Variants in MEGF9 observed in about 807,000 individuals in gnomAD.
MEGF9 encodes the protein multiple EGF like domains 9, also known as multiple epidermal growth factor-like domains protein 9.
Under a neutral mutation model 46.8 loss-of-function variants are expected in MEGF9, and 6 were observed. The observed-to-expected ratio is 0.13, with a 90% CI of 0.07 to 0.25. The LOEUF (loss-of-function observed/expected upper bound fraction) is 0.25, where lower values mean the gene tolerates loss of function less well. MEGF9 is among the 10% of genes least tolerant of loss of function. The pLI is 1.00. For synonymous variants in MEGF9, 302 were observed against 330.7 expected (o/e 0.91, Z 0.94); for missense variants, 683 against 792.4 (o/e 0.86, Z 1.66).
intron 2 of MEGF9, among the ~76,000 whole-genome samples, chr9:120,634,287 T>C (rs773565882): frequency 6.6e-6 from 1 of 152,050 alleles, no homozygotes; most frequent in Non-Finnish European, 1.5e-5. Context: ...TGGGTGCATA[T>C]ATATTTACAA....
At chr9:120,655,277 C>A (rs771798348) in intron 2 of MEGF9, among the ~76,000 whole-genome samples, 4 of 152,134 alleles carry the variant, frequency 2.6e-5, no homozygotes, top group Non-Finnish European at 4.4e-5. Context: ...ATCTTTTATA[C>A]GTTTGCTGTA....
At chr9:120,664,535 A>G (rs1343641010) in intron 1 of MEGF9, among the ~76,000 whole-genome samples, 2 of 152,242 alleles carry the variant, frequency 1.3e-5, no homozygotes, top group Non-Finnish European at 2.9e-5. Flanking sequence ...AGAACAAAGA[A>G]ATGTTACCCT....
intron 1 of MEGF9, among the ~76,000 whole-genome samples, chr9:120,685,622 T>C (rs1468734721): frequency 1.3e-5 from 2 of 152,202 alleles, no homozygotes; most frequent in Non-Finnish European, 2.9e-5. Flanking sequence ...ACCACAGTCT[T>C]GGTGGAAGTG....
At chr9:120,624,006 C>T (rs759144197) in intron 2 of MEGF9, among the ~76,000 whole-genome samples, 1 of 152,168 alleles carries the variant, frequency 6.6e-6, no homozygotes, top group African/African-American at 2.4e-5. Flanking sequence ...GTATTAGTTT[C>T]GAACACAAAA....
rs568299008 is a variant in MEGF9, at chr9:120,605,720, G to A, written c.1358-79C>T. ...GAAACAATAAAAGAAATACGCATGG[G>A]AGTGAATGTTGATGTAGGATGTTAA... is the stretch of plus-strand genomic sequence containing the variant. On this transcript the variant is annotated intron_variant, in intron 5 of 5. Transcript: ENST00000373930. The surrounding 1 kb of genome is among the most constrained non-coding windows in gnomAD (Gnocchi z 4.0). 1 of 1,023,848 alleles carries A rather than the reference G, an allele frequency of 9.8e-7. No individual in the cohort carries two copies. The highest frequency in any genetic ancestry group is 1.6e-5 in the African/African-American group (1 of 61,590). The allele number at this position is 1,023,848 out of a possible 1,614,324, so 63.4% of individuals were successfully genotyped here. A position where few individuals can be genotyped will look rare whatever the true frequency, so the allele number is the denominator to read the frequency against.
chr9:120,616,413 C>T (rs1287942020), intron 3 of MEGF9, among the ~76,000 whole-genome samples: 1 of 152,014 alleles, frequency 6.6e-6, no homozygotes, highest in East Asian at 1.9e-4. Flanking sequence ...GGTGCGGTGG[C>T]TCACACCTGT....
chr9:120,701,141 A>G (rs2043903194), intron 1 of MEGF9, among the ~76,000 whole-genome samples: 1 of 151,240 alleles, frequency 6.6e-6, no homozygotes, highest in African/African-American at 2.4e-5. Flanking sequence ...AAAAAAAAAC[A>G]ATTTCCAAAA....
At chr9:120,691,506 A>G (rs769653443) in intron 1 of MEGF9, 9 of 379,428 alleles carry the variant, frequency 2.4e-5, no homozygotes, top group South Asian at 1.8e-4. Flanking sequence ...AAATATGCAC[A>G]CTAGGCAAAA....
intron 1 of MEGF9, among the ~76,000 whole-genome samples, chr9:120,709,214 C>G (rs1261989963): frequency 6.6e-6 from 1 of 152,012 alleles, no homozygotes; most frequent in Non-Finnish European, 1.5e-5. Context: ...ATCAGGAGTT[C>G]GAGACCAGCC....
rs1203103972 is a variant in MEGF9, at chr9:120,612,566, G to C, written c.944-27C>G. The C allele has an allele frequency of 1.9e-6, 3 of 1,580,584 alleles. No individual in the cohort carries two copies. The African/African-American group carries it at 4.1e-5, about 22-fold the overall frequency. On this transcript the variant is annotated intron_variant, in intron 3 of 5. Transcript: ENST00000373930. ...TAAAAGAAGCAAATTATTTTTAAAA[G>C]TTAAAGATTTACCTTGAAAGCCAAG...
intron 1 of MEGF9, among the ~76,000 whole-genome samples, chr9:120,673,969 CAAA>C (rs35650740): frequency 3.9e-5 from 4 of 101,896 alleles, no homozygotes; most frequent in Non-Finnish European, 1.9e-5. Context: ...GACTCCGTCT[CAAA>C]AAAAAAAAAA....
chr9:120,669,908 A>G (rs1587990381), intron 1 of MEGF9, among the ~76,000 whole-genome samples: 1 of 152,176 alleles, frequency 6.6e-6, no homozygotes, highest in Non-Finnish European at 1.5e-5. Flanking sequence ...AAGATTAGGA[A>G]TTAGAGTTGG....
chr9:120,654,367 T>C (rs939761317), intron 2 of MEGF9, among the ~76,000 whole-genome samples: 4 of 152,162 alleles, frequency 2.6e-5, no homozygotes, highest in Non-Finnish European at 5.9e-5. Context: ...AGGTGCAACA[T>C]GATGACATTT....
intron 1 of MEGF9, among the ~76,000 whole-genome samples, chr9:120,703,429 G>C (rs1482057438): frequency 6.6e-6 from 1 of 152,138 alleles, no homozygotes; most frequent in African/African-American, 2.4e-5. Flanking sequence ...GAATCCCAGT[G>C]TTTGCCAGTC....
At chr9:120,612,989 A>C (rs2043455736) in intron 3 of MEGF9, among the ~76,000 whole-genome samples, 1 of 145,690 alleles carries the variant, frequency 6.9e-6, no homozygotes, top group African/African-American at 2.6e-5. Flanking sequence ...GGAGCATGCC[A>C]TTACACCCGG....
intron 1 of MEGF9, among the ~76,000 whole-genome samples, chr9:120,708,408 C>T (rs997436325): frequency 6.6e-6 from 1 of 152,046 alleles, no homozygotes. Context: ...ATAAATAATC[C>T]ATCTGTAATA....
chr9:120,677,386 G>T (rs1391515569), intron 1 of MEGF9, among the ~76,000 whole-genome samples: 2 of 152,096 alleles, frequency 1.3e-5, no homozygotes, highest in African/African-American at 4.8e-5. Flanking sequence ...GCCCACCTCA[G>T]CCCCCAAAGT....
chr9:120,655,820 T>G (rs1030824334), intron 2 of MEGF9, among the ~76,000 whole-genome samples: 3 of 152,350 alleles, frequency 2.0e-5, no homozygotes, highest in Non-Finnish European at 4.4e-5. Flanking sequence ...AGTAGTAACA[T>G]GCTACATATC....
chr9:120,697,629 G>C (rs2043883910), intron 1 of MEGF9, among the ~76,000 whole-genome samples: 1 of 152,178 alleles, frequency 6.6e-6, no homozygotes, highest in African/African-American at 2.4e-5. Flanking sequence ...CAATCACATA[G>C]TTACTATTCA....
Sources: allele counts gnomAD v4.1 joint callset (sites outside exome capture counted in the v4.1 genomes callset), GRCh38; gene constraint gnomAD v4.1.1; non-coding constraint Gnocchi (gnomAD v3.1); transcripts MANE v1.5; gene names NCBI Gene and HGNC (gene_info 2026-07-23, HGNC 2026-07-21).